Variants in SLC39A11 observed in about 807,000 individuals in gnomAD.
SLC39A11 encodes the protein solute carrier family 39 member 11.
A neutral mutation model predicts 36.1 loss-of-function variants in SLC39A11; 33 were observed. The observed-to-expected ratio is 0.91, with a 90% CI of 0.69 to 1.22. SLC39A11 has a LOEUF of 1.22. SLC39A11 is among the 50% of genes most tolerant of loss of function. The probability of loss-of-function intolerance (pLI) is 0.00; values close to 1 mark genes in which losing one functional copy is unlikely to be tolerated. For synonymous variants in SLC39A11, 166 were observed against 170.3 expected (o/e 0.97, Z 0.20); for missense variants, 432 against 430.3 (o/e 1.00, Z -0.03).
chr17:72,883,399 T>C (rs1057233351), intron 5 of SLC39A11, among the ~76,000 whole-genome samples: 6 of 151,932 alleles, frequency 3.9e-5, no homozygotes, highest in African/African-American at 1.2e-4. Context: ...GATGACCCAG[T>C]GCAGCGCCAT....
chr17:72,862,633 T>C (rs1012521873), intron 5 of SLC39A11, among the ~76,000 whole-genome samples: 4 of 152,198 alleles, frequency 2.6e-5, no homozygotes, highest in Non-Finnish European at 4.4e-5. Flanking sequence ...GAGCTTTGTT[T>C]TCTTTCCATT....
intron 5 of SLC39A11, among the ~76,000 whole-genome samples, chr17:72,905,480 A>G (rs886688083): frequency 2.0e-5 from 3 of 150,964 alleles, no homozygotes; most frequent in African/African-American, 7.3e-5. Flanking sequence ...GCCTGTAATC[A>G]CAGCTATTTG....
chr17:73,006,687 C>T (rs11077652), intron 4 of SLC39A11, among the ~76,000 whole-genome samples: 125,058 of 151,870 alleles, frequency 0.82, 52,185 homozygotes, highest in South Asian at 0.93. Flanking sequence ...CATGCACACA[C>T]GCACCCCTAC....
intron 5 of SLC39A11, among the ~76,000 whole-genome samples, chr17:72,914,202 G>A (rs991679284): frequency 2.2e-4 from 33 of 151,910 alleles, no homozygotes; most frequent in Admixed American, 1.8e-3. Flanking sequence ...TGTAGTCCCA[G>A]CTACTCGGGA....
At chr17:72,783,970 C>T (rs2076412136) in intron 6 of SLC39A11, among the ~76,000 whole-genome samples, 1 of 152,094 alleles carries the variant, frequency 6.6e-6, no homozygotes, top group Admixed American at 6.5e-5. Flanking sequence ...AAAGTAGAAG[C>T]AGATGGGAAA....
intron 4 of SLC39A11, among the ~76,000 whole-genome samples, chr17:73,021,607 G>A (rs1034973606): frequency 1.8e-4 from 27 of 151,946 alleles, no homozygotes; most frequent in Admixed American, 1.0e-3. Context: ...GATTACCAAC[G>A]TGAGCCACCG....
chr17:72,941,171 G>T (rs370173643), intron 5 of SLC39A11, among the ~76,000 whole-genome samples: 2 of 152,206 alleles, frequency 1.3e-5, no homozygotes, highest in African/African-American at 4.8e-5. Context: ...TACTCCGGGG[G>T]CTGAGGTGAG....
chr17:72,749,693 A>G (rs1260420469), intron 6 of SLC39A11, among the ~76,000 whole-genome samples: 1 of 151,966 alleles, frequency 6.6e-6, no homozygotes, highest in Admixed American at 6.6e-5. Flanking sequence ...GTGCCACCCC[A>G]CCCTAGACAG....
Position 73,042,441 on chromosome 17 carries a change from C to T in SLC39A11, c.148-10727G>A, listed in dbSNP as rs538863147. Among the ~76,000 whole-genome samples, 3 of 152,262 alleles carry T rather than the reference C, an allele frequency of 2.0e-5. No individual in the cohort carries two copies. In the East Asian group the frequency reaches 5.8e-4, roughly 29 times the overall value. On this transcript the variant is annotated intron_variant, in intron 3 of 9. Transcript: ENST00000255559. ...TGAACCAAAGGAACATAGACTCTAACCTCAAGGAGGTTACTGTGTACTTAA... is the reference window on the plus strand; with the variant it reads ...TGAACCAAAGGAACATAGACTCTAATCTCAAGGAGGTTACTGTGTACTTAA...
chr17:72,742,526 A>C (rs2074759442), intron 6 of SLC39A11, among the ~76,000 whole-genome samples: 1 of 152,148 alleles, frequency 6.6e-6, no homozygotes, highest in Admixed American at 6.5e-5. Context: ...ACAGATCTTC[A>C]CCAGGGATCC....
chr17:72,759,582 A>G (rs1482355843), intron 6 of SLC39A11, among the ~76,000 whole-genome samples: 1 of 152,244 alleles, frequency 6.6e-6, no homozygotes, highest in Non-Finnish European at 1.5e-5. Context: ...GTGGGTATAA[A>G]TTAATGAATT....
At chr17:73,040,768 T>C (rs1450969554) in intron 3 of SLC39A11, among the ~76,000 whole-genome samples, 4 of 151,988 alleles carry the variant, frequency 2.6e-5, no homozygotes, top group African/African-American at 9.7e-5. Context: ...GCAGATCACT[T>C]GAGGTCAAGA....
chr17:72,754,910 G>C (rs986620362), intron 6 of SLC39A11, among the ~76,000 whole-genome samples: 1 of 152,224 alleles, frequency 6.6e-6, no homozygotes, highest in Admixed American at 6.5e-5. Context: ...AGCATGCATA[G>C]AAAGAGACTT....
At chr17:72,802,942 G>T (rs1250702389) in intron 6 of SLC39A11, among the ~76,000 whole-genome samples, 1 of 152,240 alleles carries the variant, frequency 6.6e-6, no homozygotes, top group East Asian at 1.9e-4. Flanking sequence ...CCCTCTGCCT[G>T]CTGGGGACAA....
At chr17:72,846,328 C>CAGGGAG (rs2079054547) in intron 6 of SLC39A11, among the ~76,000 whole-genome samples, 1 of 152,120 alleles carries the variant, frequency 6.6e-6, no homozygotes, top group South Asian at 2.1e-4. Context: ...CTGCACCTGG[C>CAGGGAG]CTCAATCCTT....
chr17:72,849,914 G>A (rs1180261581), intron 5 of SLC39A11, 110 bp from the exon 6 acceptor site: 2 of 1,128,550 alleles, frequency 1.8e-6, no homozygotes, highest in South Asian at 1.8e-5. Context: ...TCTTTTTTGA[G>A]ACAGGGTCTT....
chr17:72,849,261 T>C (rs905103998), intron 6 of SLC39A11, among the ~76,000 whole-genome samples: 3 of 152,196 alleles, frequency 2.0e-5, no homozygotes, highest in African/African-American at 7.2e-5. Context: ...CAGATCTGTG[T>C]TGTTCAAGGG....
chr17:72,880,339 C>T (rs1230072331), intron 5 of SLC39A11, among the ~76,000 whole-genome samples: 1 of 152,104 alleles, frequency 6.6e-6, no homozygotes, highest in Non-Finnish European at 1.5e-5. Context: ...GAGGTTGAGG[C>T]AGATGGATCG....
At chr17:72,938,909 T>C (rs949173196) in intron 5 of SLC39A11, among the ~76,000 whole-genome samples, 1 of 152,230 alleles carries the variant, frequency 6.6e-6, no homozygotes, top group Non-Finnish European at 1.5e-5. Flanking sequence ...ACTTAATGAA[T>C]ATTTCAAACA....
Sources: gnomAD v4.1 joint callset for allele counts (sites outside exome capture counted in the v4.1 genomes callset) on GRCh38, gnomAD v4.1.1 for gene constraint, MANE v1.5 for transcripts, NCBI Gene and HGNC (gene_info 2026-07-23, HGNC 2026-07-21) for gene names.